SLFN5: variants seen among roughly 807,000 people sequenced by gnomAD.
The protein encoded by SLFN5 is schlafen family member 5.
SLFN5 carries 34 observed loss-of-function variants against 48.5 expected under a neutral mutation model. The ratio of observed to expected loss-of-function variants is 0.70; its 90% CI spans 0.53 to 0.93. The LOEUF (loss-of-function observed/expected upper bound fraction) is 0.93, where lower values mean the gene tolerates loss of function less well. Among genes scored for constraint, SLFN5 ranks in the 40% least tolerant of loss-of-function variants. SLFN5 has a pLI of 0.00. For synonymous variants in SLFN5, 387 were observed against 396.2 expected, an observed-to-expected ratio of 0.98 and a Z score of 0.28; for missense variants, 1,006 against 1,071.3, an observed-to-expected ratio of 0.94 and a Z score of 0.85.
intron 1 of SLFN5, among the ~76,000 whole-genome samples, chr17:35,250,463 T>C (rs559694969): frequency 5.3e-5 from 8 of 152,194 alleles, no homozygotes; most frequent in South Asian, 4.2e-4. Context: ...AAGACCATCC[T>C]GGCTAAAACG....
At position 35,265,992 on chromosome 17, in the gene SLFN5, A is replaced by C; in HGVS notation, c.*104A>C. 1 of 1,247,244 alleles carries C rather than the reference A, an allele frequency of 8.0e-7. No homozygotes were observed. The highest frequency in any genetic ancestry group is 2.4e-5 in the East Asian group (1 of 41,516). The allele number at this position is 1,247,244 out of a possible 1,614,324, so 77.3% of individuals were successfully genotyped here. A position where few individuals can be genotyped will look rare whatever the true frequency, so the allele number is the denominator to read the frequency against. On this transcript the variant is annotated 3_prime_UTR_variant, in exon 5 of 5. Transcript: ENST00000299977. Reference sequence around the variant, plus strand: ...AGCACACACTCACTTATTAAGTCACATACTTTTCTAGGTGCTGGGGATTGA... The same window carrying C: ...AGCACACACTCACTTATTAAGTCACCTACTTTTCTAGGTGCTGGGGATTGA...
At chr17:35,248,033 G>A (rs57263207) in intron 1 of SLFN5, among the ~76,000 whole-genome samples, 13,396 of 152,170 alleles carry the variant, frequency 0.088, 608 homozygotes, top group East Asian at 0.14. Flanking sequence ...GAGACACAAA[G>A]TGCACAAGAA....
In SLFN5 at chr17:35,268,012, G is replaced by C. The variant is rs1473581942; in HGVS notation, c.*2124G>C. The C allele has an allele frequency of 6.6e-6, 1 of 152,198 alleles. No homozygotes were observed. Among genetic ancestry groups the C allele is most frequent in the Non-Finnish European group, 1.5e-5 (1 of 68,038 alleles). The allele number at this position is 152,198 out of a possible 1,614,324, so 9.4% of individuals were successfully genotyped here. On this transcript the variant is annotated 3_prime_UTR_variant, in exon 5 of 5. Transcript: ENST00000299977. ...TCACATGAATTCAATGAAGGGGGCT[G>C]TGTCTTATTCCTGGATGCTTTGCCT...
chr17:35,272,952 C>G lies in SLFN5; in HGVS notation c.*7064C>G, dbSNP rs1051835952. On this transcript the variant is annotated 3_prime_UTR_variant, in exon 5 of 5. Coordinates refer to ENST00000299977, the MANE Select transcript of SLFN5 (RefSeq NM_144975.4). ...TATATCTCTTTCTCTAGAAATTTCT[C>G]TTTTGGGAATTTATTCTACATATAT... 5.5e-5 allele frequency: 8 copies of G among 144,228 alleles called. No individual in the cohort carries two copies. In the East Asian group the frequency reaches 1.4e-3, roughly 26 times the overall value. The allele number at this position is 144,228 out of a possible 1,614,324, so 8.9% of individuals were successfully genotyped here. A position where few individuals can be genotyped will look rare whatever the true frequency, so the allele number is the denominator to read the frequency against.
Position 35,259,371 on chromosome 17 carries a change from A to AT in SLFN5, c.687dup (p.Gly230TrpfsTer4). The AT allele has an allele frequency of 6.2e-7, 1 of 1,614,180 alleles. No individual in the cohort carries two copies. On this transcript the variant is annotated frameshift_variant, in exon 2 of 5. Coordinates refer to ENST00000299977, the MANE Select transcript of SLFN5 (RefSeq NM_144975.4). LOFTEE classifies it high-confidence loss of function. Reference sequence around the variant, plus strand: ...TTGCAAATACTGAAGGAGGATATGTATTTTTTGGTGTGCATGATGAGACTT... The same window carrying AT: ...TTGCAAATACTGAAGGAGGATATGTATTTTTTTGGTGTGCATGATGAGACTT...
In SLFN5 at chr17:35,270,688, T is replaced by A. The variant is rs1292693242; in HGVS notation, c.*4800T>A. The A allele has an allele frequency of 6.6e-6, 1 of 152,214 alleles. No homozygotes were observed. Among genetic ancestry groups the A allele is most frequent in the Non-Finnish European group, 1.5e-5 (1 of 68,080 alleles). The allele number at this position is 152,214 out of a possible 1,614,324, so 9.4% of individuals were successfully genotyped here. ...CTGGCTTTTTGGGCTGGACAACCAT[T>A]TATTGTGAGAGGCTTCTCTATGCAC... is the stretch of plus-strand genomic sequence containing the variant. On this transcript the variant is annotated 3_prime_UTR_variant, in exon 5 of 5. Coordinates refer to ENST00000299977, the MANE Select transcript of SLFN5 (RefSeq NM_144975.4).
At position 35,272,489 on chromosome 17, in the gene SLFN5, G is replaced by A. The variant is rs1460740840; in HGVS notation, c.*6601G>A. ...CTTAAAAAAATAATAATCTCAGCAT[G>A]GGGAAGGTCTAAGTATGGCCCTCAA... On this transcript the variant is annotated 3_prime_UTR_variant, in exon 5 of 5. Transcript: ENST00000299977. 1.3e-5 allele frequency: 2 copies of A among 152,134 alleles called. No individual in the cohort carries two copies. The highest frequency in any genetic ancestry group is 4.8e-5 in the African/African-American group (2 of 41,424). The allele number at this position is 152,134 out of a possible 1,614,324, so 9.4% of individuals were successfully genotyped here.
Position 35,265,450 on chromosome 17 carries a change from T to C in SLFN5, c.2238T>C (p.Tyr746=). Residue 746 remains tyrosine (Y), a synonymous_variant, in exon 5 of 5, where the codon TAT becomes TAC. Transcript: ENST00000299977. Reference sequence around the variant, plus strand: ...CCCCTGGGTCCCTGGTGATGCTCTATGAACCTAAATGGGCTCAAGGTGTCC... The same window carrying C: ...CCCCTGGGTCCCTGGTGATGCTCTACGAACCTAAATGGGCTCAAGGTGTCC... ...NLPPGSLVML[Y]EPKWAQGVPG... 1.2e-6 allele frequency: 2 copies of C among 1,613,618 alleles called. No homozygotes were observed. Among genetic ancestry groups the C allele is most frequent in the African/African-American group, 2.7e-5 (2 of 74,580 alleles).
chr17:35,259,295 C>G lies in SLFN5; in HGVS notation c.605C>G (p.Thr202Arg), dbSNP rs376906702. The G allele has an allele frequency of 1.2e-5, 20 of 1,614,162 alleles. No homozygotes were observed. The African/African-American group carries it at 2.7e-4, about 22-fold the overall frequency. Residue 202 changes from threonine (T) to arginine (R), a missense_variant, in exon 2 of 5, where the codon ACA (threonine) becomes AGA (arginine). Thr to Arg is a moderately conservative substitution (Grantham distance 71). Transcript: ENST00000299977. ...STHVEFVMFS[T>R]DVSHCVKDRL... Reference sequence around the variant, plus strand: ...CATGTTGAATTTGTAATGTTCTCGACAGACGTGTCACACTGTGTTAAAGAC... The same window carrying G: ...CATGTTGAATTTGTAATGTTCTCGAGAGACGTGTCACACTGTGTTAAAGAC...
At position 35,268,877 on chromosome 17, in the gene SLFN5, C is replaced by T. The variant is rs1486122546; in HGVS notation, c.*2989C>T. The T allele has an allele frequency of 6.6e-6, 1 of 152,270 alleles. No homozygotes were observed. The allele number at this position is 152,270 out of a possible 1,614,324, so 9.4% of individuals were successfully genotyped here. A position where few individuals can be genotyped will look rare whatever the true frequency, so the allele number is the denominator to read the frequency against. On this transcript the variant is annotated 3_prime_UTR_variant, in exon 5 of 5. Coordinates refer to ENST00000299977, the MANE Select transcript of SLFN5 (RefSeq NM_144975.4). Reference sequence around the variant, plus strand: ...ACTCTCTACAGGCAGTAAGCTGGGGCAGTCACAGAGGTGACCTCATCTGTT... The same window carrying T: ...ACTCTCTACAGGCAGTAAGCTGGGGTAGTCACAGAGGTGACCTCATCTGTT...
rs1904719824 is a variant in SLFN5 at position 35,267,138 on chromosome 17, A to G, written c.*1250A>G. ...AAGCAAGAAATTAGTCTATTGTGAAATGTTTTTACAACTAACTTGGAATAT... is the reference window on the plus strand; with the variant it reads ...AAGCAAGAAATTAGTCTATTGTGAAGTGTTTTTACAACTAACTTGGAATAT... On this transcript the variant is annotated 3_prime_UTR_variant, in exon 5 of 5. Coordinates refer to ENST00000299977, the MANE Select transcript of SLFN5 (RefSeq NM_144975.4). 6.6e-6 allele frequency: 1 copy of G among 152,214 alleles called. No individual in the cohort carries two copies. Among genetic ancestry groups the G allele is most frequent in the Non-Finnish European group, 1.5e-5 (1 of 68,034 alleles). The allele number at this position is 152,214 out of a possible 1,614,324, so 9.4% of individuals were successfully genotyped here.
chr17:35,262,391 A>G (rs146802910), intron 3 of SLFN5, among the ~76,000 whole-genome samples: 1,972 of 151,946 alleles, frequency 0.013, 37 homozygotes, highest in African/African-American at 0.045. Flanking sequence ...AAAAAAAAAA[A>G]AAAAGAAAAG....
chr17:35,266,184 G>A lies in SLFN5; in HGVS notation c.*296G>A, dbSNP rs1030422814. On this transcript the variant is annotated 3_prime_UTR_variant, in exon 5 of 5. Coordinates refer to ENST00000299977, the MANE Select transcript of SLFN5 (RefSeq NM_144975.4). ...TGTGTGTGTGTGTGTGTGTGCGCGC[G>A]CGCACGTGCACATGTGTGTAGGTAG... is the stretch of plus-strand genomic sequence containing the variant. The A allele has an allele frequency of 1.1e-5, 3 of 261,644 alleles. No individual in the cohort carries two copies. Among genetic ancestry groups the A allele is most frequent in the East Asian group, 1.5e-4 (2 of 13,574 alleles). The allele number at this position is 261,644 out of a possible 1,614,324, so 16.2% of individuals were successfully genotyped here.
intron 1 of SLFN5, among the ~76,000 whole-genome samples, chr17:35,245,563 A>T (rs541096457): frequency 3.3e-5 from 5 of 152,332 alleles, no homozygotes; most frequent in African/African-American, 1.2e-4. Context: ...TATTATTGTT[A>T]TGGCAAATTG....
intron 1 of SLFN5, among the ~76,000 whole-genome samples, chr17:35,251,446 C>T (rs1301241101): frequency 6.6e-6 from 1 of 152,224 alleles, no homozygotes; most frequent in Non-Finnish European, 1.5e-5. Context: ...CGCTCTGTCA[C>T]CCAGGCTGGA....
rs767739047 is a variant in SLFN5, at chr17:35,259,328, C to T, written c.638C>T (p.Pro213Leu). 5.1e-5 allele frequency: 83 copies of T among 1,613,904 alleles called. 1 individual carries two copies. The highest frequency in any genetic ancestry group is 1.2e-4 in the Admixed American group (7 of 59,996). ...DVSHCVKDRL[P>L]KCVSAFANTE... ...TCACACTGTGTTAAAGACAGACTTC[C>T]GAAGTGTGTTTCTGCATTTGCAAAT... is the stretch of plus-strand genomic sequence containing the variant. The change falls in exon 2 of 5, where the codon CCG (proline) becomes CTG (leucine). Residue 213 changes from proline (P) to leucine (L), a missense_variant. Transcript: ENST00000299977.
At position 35,268,004 on chromosome 17, in the gene SLFN5, A is replaced by AG. The variant is rs1294492640; in HGVS notation, c.*2121dup. The AG allele has an allele frequency of 6.6e-6, 1 of 152,192 alleles. No individual in the cohort carries two copies. The highest frequency in any genetic ancestry group is 2.4e-5 in the African/African-American group (1 of 41,444). 9.4% of individuals were successfully genotyped at this position (152,192 alleles called of 1,614,324 possible). ...CCAGGATTTCACATGAATTCAATGA[A>AG]GGGGGCTGTGTCTTATTCCTGGATG... On this transcript the variant is annotated 3_prime_UTR_variant, in exon 5 of 5. Transcript: ENST00000299977.
At position 35,271,483 on chromosome 17, in the gene SLFN5, TTA is replaced by T. The variant is rs770148530; in HGVS notation, c.*5598_*5599del. ...AAATACGATGAAAGAAAAAGCCATA[TTA>T]TAATTCCAACAAAAAGATAAAATAA... is the stretch of plus-strand genomic sequence containing the variant. On this transcript the variant is annotated 3_prime_UTR_variant, in exon 5 of 5. Coordinates refer to ENST00000299977, the MANE Select transcript of SLFN5 (RefSeq NM_144975.4). The T allele has an allele frequency of 1.3e-5, 2 of 152,172 alleles. No individual in the cohort carries two copies. The highest frequency in any genetic ancestry group is 4.1e-4 in the South Asian group (2 of 4,836). 9.4% of individuals were successfully genotyped at this position (152,172 alleles called of 1,614,324 possible). A position where few individuals can be genotyped will look rare whatever the true frequency, so the allele number is the denominator to read the frequency against.
intron 1 of SLFN5, among the ~76,000 whole-genome samples, chr17:35,256,740 A>G (rs1904354252): frequency 6.6e-6 from 1 of 152,154 alleles, no homozygotes; most frequent in African/African-American, 2.4e-5. Flanking sequence ...AATTGTGGAT[A>G]CTGAGGTCAA....
Sources: gnomAD v4.1 joint callset for allele counts (sites outside exome capture counted in the v4.1 genomes callset) on GRCh38, gnomAD v4.1.1 for gene constraint, MANE v1.5 for transcripts, NCBI Gene and HGNC (gene_info 2026-07-23, HGNC 2026-07-21) for gene names.